Variants in FGFRL1 observed in about 807,000 individuals in gnomAD.
The protein encoded by FGFRL1 is fibroblast growth factor receptor-like 1.
In FGFRL1, 24 loss-of-function variants were observed where a neutral mutation model predicts 36.8. The ratio of observed to expected loss-of-function variants is 0.65; its 90% CI spans 0.47 to 0.92. FGFRL1 has a LOEUF of 0.92. FGFRL1 is among the 40% of genes least tolerant of loss of function. FGFRL1 has a pLI of 0.00. For synonymous variants in FGFRL1, 422 were observed against 344.1 expected, an observed-to-expected ratio of 1.23 and a Z score of -2.50; for missense variants, 785 against 753.4, an observed-to-expected ratio of 1.04 and a Z score of -0.49.
chr4:1,011,414 G>A (rs1163582740), upstream of FGFRL1: 1 of 138,760 alleles, frequency 7.2e-6, no homozygotes, highest in African/African-American at 2.6e-5. Context: ...GGGCGGGGGC[G>A]GGGCCGGACC....
chr4:1,015,666 G>A lies in FGFRL1; in HGVS notation c.79+3102G>A, dbSNP rs946655200. On this transcript the variant is annotated intron_variant, in intron 2 of 6. Transcript: ENST00000510644. ...TCTTGCCTGGTGCTGTTAAGGGGCTGAGGGGTGAACATTGGCTGAGCAGTG... is the reference window on the plus strand; with the variant it reads ...TCTTGCCTGGTGCTGTTAAGGGGCTAAGGGGTGAACATTGGCTGAGCAGTG... Among the ~76,000 whole-genome samples, 13 of 152,372 alleles carry A rather than the reference G, an allele frequency of 8.5e-5. No individual in the cohort carries two copies. In the East Asian group the frequency reaches 2.5e-3, roughly 29 times the overall value.
Position 1,023,838 on chromosome 4 carries a change from C to T in FGFRL1, c.455C>T (p.Pro152Leu). 4.4e-6 allele frequency: 7 copies of T among 1,582,870 alleles called. No individual in the cohort carries two copies. The highest frequency in any genetic ancestry group is 6.0e-6 in the Non-Finnish European group (7 of 1,165,322). ...GCAGCACGACCGCGCTTCACACAGCCCTCCAAGATGAGGCGCCGGGTGATC... is the reference window on the plus strand; with the variant it reads ...GCAGCACGACCGCGCTTCACACAGCTCTCCAAGATGAGGCGCCGGGTGATC... ...QQWARPRFTQ[P>L]SKMRRRVIAR... The change falls in exon 5 of 7, where the codon CCC becomes CTC. Residue 152 changes from proline to leucine, a missense_variant. By Grantham distance (98) the Pro-to-Leu change is moderately conservative. Coordinates refer to ENST00000510644, the MANE Select transcript of FGFRL1 (RefSeq NM_001004356.3). This position sits in a 1 kb window ranked among gnomAD's most constrained non-coding sequence, Gnocchi z 6.0.
chr4:1,012,708 C>G (rs545723826), intron 2 of FGFRL1, 144 bp downstream of exon 2: 1 of 419,296 alleles, frequency 2.4e-6, no homozygotes, highest in Non-Finnish European at 4.1e-6. Context: ...CCCTTCCTTC[C>G]AGGGCCCCCT....
In FGFRL1 at chr4:1,024,981, C is replaced by G; in HGVS notation, c.1149C>G (p.Ile383Met). ...TSLPWPVVIG[I>M]PAGAVFILGT... is the part of the protein sequence containing the mutation. ...TGCCGTGGCCCGTGGTCATCGGCAT[C>G]CCAGCCGGCGCTGTCTTCATCCTGG... Residue 383 changes from isoleucine (I) to methionine (M), a missense_variant, in exon 7 of 7, where the codon ATC (isoleucine) becomes ATG (methionine). Ile to Met is a conservative substitution (Grantham distance 10). Coordinates refer to ENST00000510644, the MANE Select transcript of FGFRL1 (RefSeq NM_001004356.3). 6.2e-7 allele frequency: 1 copy of G among 1,610,056 alleles called. No homozygotes were observed. The highest frequency in any genetic ancestry group is 8.5e-7 in the Non-Finnish European group (1 of 1,179,600).
intron 2 of FGFRL1, among the ~76,000 whole-genome samples, chr4:1,015,101 G>A (rs1205776195): frequency 1.3e-5 from 2 of 152,210 alleles, no homozygotes; most frequent in African/African-American, 4.8e-5. Flanking sequence ...AACTGCGGCC[G>A]TGCTGGGAGA....
At chr4:1,013,393 G>T (rs995828511) in intron 2 of FGFRL1, among the ~76,000 whole-genome samples, 1 of 152,256 alleles carries the variant, frequency 6.6e-6, no homozygotes, top group Non-Finnish European at 1.5e-5. Context: ...GATTGTCCGC[G>T]CTGTGTCCAC....
chr4:1,022,068 G>A, intron 2 of FGFRL1, 135 bp from the exon 3 acceptor site: 2 of 652,768 alleles, frequency 3.1e-6, no homozygotes, highest in Admixed American at 3.4e-5. Context: ...CGGCCCCTCT[G>A]CTCATCTTGG....
intron 2 of FGFRL1, among the ~76,000 whole-genome samples, chr4:1,012,838 T>G (rs906141567): frequency 6.6e-6 from 1 of 152,220 alleles, no homozygotes; most frequent in Non-Finnish European, 1.5e-5. Flanking sequence ...ATGCTCCTGG[T>G]CTTGCAAACA....
In FGFRL1 at chr4:1,026,647, T is replaced by C; in HGVS notation, c.*1300T>C. On this transcript the variant is annotated 3_prime_UTR_variant, in exon 7 of 7. Coordinates refer to ENST00000510644, the MANE Select transcript of FGFRL1 (RefSeq NM_001004356.3). ...CAGAGAAGGGGCCTTGGTATTTATA[T>C]TTAAGAAATGAAGATAATATTAATA... 3.4e-6 allele frequency: 1 copy of C among 294,982 alleles called. No individual in the cohort carries two copies. The highest frequency in any genetic ancestry group is 6.6e-6 in the Non-Finnish European group (1 of 151,168). 18.3% of individuals were successfully genotyped at this position (294,982 alleles called of 1,614,324 possible).
At chr4:1,021,641 G>T (rs538542382) in intron 2 of FGFRL1, among the ~76,000 whole-genome samples, 9 of 152,290 alleles carry the variant, frequency 5.9e-5, no homozygotes, top group Middle Eastern at 6.8e-3. Context: ...TCGGTTGCTT[G>T]TGGATAGCTG....
At chr4:1,019,957 C>A (rs988454099) in intron 2 of FGFRL1, among the ~76,000 whole-genome samples, 1 of 152,356 alleles carries the variant, frequency 6.6e-6, no homozygotes, top group South Asian at 2.1e-4. Flanking sequence ...CACTCCCAGC[C>A]CCAGCGGCCA....
intron 2 of FGFRL1, among the ~76,000 whole-genome samples, chr4:1,016,720 C>A: frequency 6.6e-6 from 1 of 152,124 alleles, no homozygotes. Context: ...CTGTGTGTGC[C>A]CTGGGTCTGT....
Position 1,026,635 on chromosome 4 carries a change from T to C in FGFRL1, c.*1288T>C. The C allele has an allele frequency of 3.5e-6, 1 of 286,558 alleles. No homozygotes were observed. The highest frequency in any genetic ancestry group is 6.8e-6 in the Non-Finnish European group (1 of 146,848). 17.8% of individuals were successfully genotyped at this position (286,558 alleles called of 1,614,324 possible). On this transcript the variant is annotated 3_prime_UTR_variant, in exon 7 of 7. Coordinates refer to ENST00000510644, the MANE Select transcript of FGFRL1 (RefSeq NM_001004356.3). ...CTCCCCCTGACACAGAGAAGGGGCC[T>C]TGGTATTTATATTTAAGAAATGAAG...
rs113926759 is a variant in FGFRL1 at position 1,025,512 on chromosome 4, GACACAC to G, written c.*170_*175del. 5.1e-6 allele frequency: 4 copies of G among 790,048 alleles called. No individual in the cohort carries two copies. The African/African-American group carries it at 5.3e-5, about 10-fold the overall frequency. The allele number at this position is 790,048 out of a possible 1,614,324, so 48.9% of individuals were successfully genotyped here. A position where few individuals can be genotyped will look rare whatever the true frequency, so the allele number is the denominator to read the frequency against. ...CATAGCCCCTGGACACACACACACA[GACACAC>G]ACACTGCCTGGATGCATGTATGCAC... On this transcript the variant is annotated 3_prime_UTR_variant, in exon 7 of 7. Coordinates refer to ENST00000510644, the MANE Select transcript of FGFRL1 (RefSeq NM_001004356.3).
Position 1,025,329 on chromosome 4 carries a change from C to T in FGFRL1, c.1497C>T (p.His499=), listed in dbSNP as rs937316019. 2 of 1,554,924 alleles carry T rather than the reference C, an allele frequency of 1.3e-6. No individual in the cohort carries two copies. The highest frequency in any genetic ancestry group is 1.4e-5 in the African/African-American group (1 of 73,340). The change falls in exon 7 of 7, where the codon CAC becomes CAT. Residue 499 remains histidine, a synonymous_variant. Coordinates refer to ENST00000510644, the MANE Select transcript of FGFRL1 (RefSeq NM_001004356.3). ...HSHVEGKVHQ[H]IHYQC ...ACGTGGAGGGCAAGGTCCACCAGCA[C>T]ATCCACTATCAGTGCTAGACGGCAC...
At chr4:1,024,197 G>GGGCGCTGGTGGGCGGC in intron 5 of FGFRL1, 96 bp downstream of exon 5, 2 of 1,091,178 alleles carry the variant, frequency 1.8e-6, no homozygotes, top group Non-Finnish European at 1.2e-6. Flanking sequence ...TGGTGGGCGG[G>GGGCGCTGGTGGGCGGC]GGCACTGGCA....
chr4:1,012,003 A>AGGGCGGGGGTCCG (rs1279726097), intron 1 of FGFRL1, 49 bp downstream of exon 1: 1 of 141,982 alleles, frequency 7.0e-6, no homozygotes, highest in Non-Finnish European at 1.5e-5. Flanking sequence ...CACACGGGGG[A>AGGGCGGGGGTCCG]GGGCGGGGGT....
intron 2 of FGFRL1, among the ~76,000 whole-genome samples, chr4:1,014,196 C>G (rs567701226): frequency 1.3e-5 from 2 of 152,154 alleles, no homozygotes; most frequent in South Asian, 2.1e-4. Context: ...ATCGGCACAT[C>G]GCTACACTCA....
chr4:1,016,496 G>A (rs1715893911), intron 2 of FGFRL1, among the ~76,000 whole-genome samples: 1 of 152,164 alleles, frequency 6.6e-6, no homozygotes, highest in South Asian at 2.1e-4. Flanking sequence ...CCCGCTGTGT[G>A]CCCTGGTGTG....
Sources: gnomAD v4.1 joint callset for allele counts (sites outside exome capture counted in the v4.1 genomes callset) on GRCh38, gnomAD v4.1.1 for gene constraint, Gnocchi (gnomAD v3.1) non-coding constraint, MANE v1.5 for transcripts, NCBI Gene and HGNC (gene_info 2026-07-23, HGNC 2026-07-21) for gene names.